DLG2: variants seen among roughly 807,000 people sequenced by gnomAD.
The protein encoded by DLG2 is disks large homolog 2.
Under a neutral mutation model 132.5 loss-of-function variants are expected in DLG2, and 45 were observed. The observed-to-expected ratio is 0.34, with a 90% CI of 0.27 to 0.44. The LOEUF (loss-of-function observed/expected upper bound fraction) is 0.44, where lower values mean the gene tolerates loss of function less well. Ranked by LOEUF, DLG2 falls within the 20% of genes least tolerant of loss-of-function variation. DLG2 has a pLI of 1.00. For missense variants in DLG2, 1,045 were observed against 1,196.9 expected (o/e 0.87, Z 1.87); for synonymous variants, 424 against 419.6 (o/e 1.01, Z -0.13).
chr11:84,535,786 T>C (rs2154521112), intron 6 of DLG2, among the ~76,000 whole-genome samples: 1 of 152,318 alleles, frequency 6.6e-6, no homozygotes, highest in South Asian at 2.1e-4. Flanking sequence ...AATCAGATAA[T>C]AAAGTGTTAG....
chr11:85,556,971 T>C (rs1244336085), intron 3 of DLG2, among the ~76,000 whole-genome samples: 1 of 151,684 alleles, frequency 6.6e-6, no homozygotes, highest in Non-Finnish European at 1.5e-5. Flanking sequence ...GAGGAAGAAA[T>C]AAAAAGCTCC....
At chr11:85,226,467 C>A (rs2074983511) in intron 4 of DLG2, among the ~76,000 whole-genome samples, 1 of 152,064 alleles carries the variant, frequency 6.6e-6, no homozygotes, top group Non-Finnish European at 1.5e-5. Context: ...GCAGGAGGAT[C>A]ACTTGAGCCC....
chr11:83,507,591 T>C (rs1165475522), intron 21 of DLG2, among the ~76,000 whole-genome samples: 2 of 145,418 alleles, frequency 1.4e-5, no homozygotes, highest in Non-Finnish European at 3.0e-5. Context: ...TCTATATAGA[T>C]ATCTATAGGA....
At chr11:83,628,811 A>G (rs570668593) in intron 19 of DLG2, among the ~76,000 whole-genome samples, 86 of 152,122 alleles carry the variant, frequency 5.7e-4, no homozygotes, top group Non-Finnish European at 1.0e-3. Flanking sequence ...CCTCTTGTCT[A>G]TTCCATCTGT....
intron 14 of DLG2, among the ~76,000 whole-genome samples, chr11:83,958,353 G>A (rs7116793): frequency 0.13 from 20,499 of 152,054 alleles, 1,729 homozygotes; most frequent in African/African-American, 0.22. Context: ...AAGTGTCTGT[G>A]GACAAGAAAT....
intron 3 of DLG2, among the ~76,000 whole-genome samples, chr11:85,391,152 T>C (rs528823961): frequency 5.9e-5 from 9 of 152,120 alleles, no homozygotes; most frequent in Middle Eastern, 3.4e-3. Context: ...AAGGCTATTA[T>C]GAAAACGTTT....
At chr11:84,555,769 A>T (rs1456101861) in intron 6 of DLG2, among the ~76,000 whole-genome samples, 1 of 152,222 alleles carries the variant, frequency 6.6e-6, no homozygotes, top group Admixed American at 6.5e-5. Flanking sequence ...AACACTACTG[A>T]ACTGTACAGT....
intron 4 of DLG2, among the ~76,000 whole-genome samples, chr11:85,278,624 C>T (rs2078042822): frequency 6.6e-6 from 1 of 152,030 alleles, no homozygotes. Flanking sequence ...AGAGCCTAGC[C>T]TGGACTTTAT....
chr11:85,194,892 C>T (rs1195696471), intron 4 of DLG2, among the ~76,000 whole-genome samples: 3 of 152,126 alleles, frequency 2.0e-5, no homozygotes, highest in Non-Finnish European at 2.9e-5. Context: ...GTGCCATGTT[C>T]TGTGTAAGCA....
At chr11:84,400,209 T>TAAA (rs2098824838) in intron 7 of DLG2, among the ~76,000 whole-genome samples, 1 of 152,264 alleles carries the variant, frequency 6.6e-6, no homozygotes, top group Non-Finnish European at 1.5e-5. Context: ...TAGTGCTTTA[T>TAAA]AATTTCAAAA....
chr11:84,168,785 C>G (rs890366883), intron 8 of DLG2, among the ~76,000 whole-genome samples: 5 of 151,312 alleles, frequency 3.3e-5, no homozygotes. Flanking sequence ...CAGGGTCACA[C>G]CACCATCAAA....
At chr11:84,603,821 C>T (rs914805605) in intron 6 of DLG2, among the ~76,000 whole-genome samples, 4 of 151,990 alleles carry the variant, frequency 2.6e-5, no homozygotes, top group African/African-American at 7.2e-5. Flanking sequence ...TGTGGGTACT[C>T]TGATGAACTC....
intron 7 of DLG2, among the ~76,000 whole-genome samples, chr11:84,433,591 G>A (rs1760296704): frequency 6.6e-6 from 1 of 152,164 alleles, no homozygotes; most frequent in African/African-American, 2.4e-5. Flanking sequence ...TGGTACAAAT[G>A]AACTTTTAAA....
chr11:84,288,783 C>T (rs902330587), intron 7 of DLG2, among the ~76,000 whole-genome samples: 8 of 152,168 alleles, frequency 5.3e-5, no homozygotes, highest in Admixed American at 5.2e-4. Flanking sequence ...TGGATTCCAC[C>T]AAAATAGGCC....
At chr11:83,743,805 C>A (rs112409274) in intron 18 of DLG2, among the ~76,000 whole-genome samples, 1 of 152,024 alleles carries the variant, frequency 6.6e-6, no homozygotes, top group Non-Finnish European at 1.5e-5. Flanking sequence ...AAATAGCATG[C>A]ACCTCAGAGG....
intron 2 of DLG2, among the ~76,000 whole-genome samples, chr11:85,624,199 A>G (rs542801950): frequency 7.2e-5 from 11 of 152,326 alleles, no homozygotes; most frequent in African/African-American, 2.6e-4. Context: ...ATGGGGTTTG[A>G]GGCACAGTAG....
At chr11:84,617,700 G>T (rs776294657) in intron 6 of DLG2, among the ~76,000 whole-genome samples, 1 of 151,696 alleles carries the variant, frequency 6.6e-6, no homozygotes, top group Non-Finnish European at 1.5e-5. Flanking sequence ...AGACTATTAG[G>T]ATGGCCATAT....
chr11:84,515,189 A>C (rs931809908), intron 7 of DLG2, among the ~76,000 whole-genome samples: 2 of 151,764 alleles, frequency 1.3e-5, no homozygotes, highest in African/African-American at 4.8e-5. Flanking sequence ...AATGGCAGTG[A>C]GGAGTCCTTA....
chr11:84,362,695 T>G (rs1437263473), intron 7 of DLG2, among the ~76,000 whole-genome samples: 1 of 152,030 alleles, frequency 6.6e-6, no homozygotes, highest in African/African-American at 2.4e-5. Flanking sequence ...GAGTGTGATG[T>G]TCCCCTTCCT....
Sources: allele counts gnomAD v4.1 joint callset (sites outside exome capture counted in the v4.1 genomes callset), GRCh38; gene constraint gnomAD v4.1.1; transcripts MANE v1.5; gene names NCBI Gene and HGNC (gene_info 2026-07-23, HGNC 2026-07-21).